Variants in RBFOX1 observed in about 807,000 individuals in gnomAD.
RBFOX1 encodes RNA binding fox-1 homolog 1.
RBFOX1 carries 8 observed loss-of-function variants against 57.7 expected under a neutral mutation model. That is an observed-to-expected ratio of 0.14 (90% CI 0.08 to 0.25). The LOEUF (loss-of-function observed/expected upper bound fraction) is 0.25, where lower values mean the gene tolerates loss of function less well. RBFOX1 is among the 10% of genes least tolerant of loss of function. The pLI is 1.00. For synonymous variants in RBFOX1, 326 were observed against 222.4 expected (o/e 1.47, Z -4.15); for missense variants, 611 against 548.5 (o/e 1.11, Z -1.14).
rs946744485 is a variant in RBFOX1 at position 5,959,125 on chromosome 16, T to A, written c.351+91790T>A. On this transcript the variant is annotated intron_variant, in intron 4 of 19. Transcript: ENST00000641259. The stretch of plus-strand genomic sequence containing the variant: ...GTGCTACCTGTGGTTTTAACTGAAG[T>A]GTAAGGAGGTCAAGGACAGACTGCC... Among the ~76,000 whole-genome samples, 7 of 152,282 alleles carry A rather than the reference T, an allele frequency of 4.6e-5. No homozygotes were observed. The East Asian group carries it at 1.4e-3, about 29-fold the overall frequency.
chr16:6,305,923 A>C (rs1301877484), intron 1 of RBFOX1, among the ~76,000 whole-genome samples: 2 of 152,070 alleles, frequency 1.3e-5, no homozygotes, highest in Non-Finnish European at 2.9e-5. Context: ...GGTAGGTAGG[A>C]AGTTGAGCTT....
rs529311586 is a variant in RBFOX1 at position 7,668,892 on chromosome 16, T to C, written c.930+3924T>C. ...GTTCTTAGATCTACAGAGTCTCTCA[T>C]ACTTGGAAGTGAAGCTATAGATGTT... On this transcript the variant is annotated intron_variant, in intron 13 of 15. Transcript: ENST00000550418. 7.2e-5 allele frequency among the ~76,000 whole-genome samples: 11 copies of C among 152,278 alleles called. No homozygotes were observed. The East Asian group carries it at 2.1e-3, about 29-fold the overall frequency.
intron 12 of RBFOX1, among the ~76,000 whole-genome samples, chr16:7,661,864 C>T (rs938074937): frequency 6.6e-6 from 1 of 152,256 alleles, no homozygotes; most frequent in South Asian, 2.1e-4. Context: ...TTTCCATAGC[C>T]CACAGTGGAG....
At chr16:5,898,725 C>G (rs1337746495) in intron 4 of RBFOX1, among the ~76,000 whole-genome samples, 1 of 151,908 alleles carries the variant, frequency 6.6e-6, no homozygotes, top group Non-Finnish European at 1.5e-5. Flanking sequence ...AACCATTATG[C>G]TCTACTATTT....
chr16:5,798,864 G>A (rs767469730), intron 3 of RBFOX1, among the ~76,000 whole-genome samples: 1 of 152,024 alleles, frequency 6.6e-6, no homozygotes, highest in Non-Finnish European at 1.5e-5. Context: ...GTCAGCTTGG[G>A]TGTAGCTCAG....
At chr16:5,586,298 A>C (rs140376100) in intron 2 of RBFOX1, among the ~76,000 whole-genome samples, 15 of 152,312 alleles carry the variant, frequency 9.8e-5, no homozygotes, top group Non-Finnish European at 1.8e-4. Flanking sequence ...GTTGGTGGCA[A>C]TTGCGTGACG....
At chr16:6,234,893 T>C (rs527612648) in intron 1 of RBFOX1, among the ~76,000 whole-genome samples, 1 of 152,262 alleles carries the variant, frequency 6.6e-6, no homozygotes, top group South Asian at 2.1e-4. Context: ...ATCGGTTTCC[T>C]TGTTTGGATA....
chr16:6,943,734 G>A (rs905582062), intron 3 of RBFOX1, among the ~76,000 whole-genome samples: 23 of 149,474 alleles, frequency 1.5e-4, no homozygotes, highest in South Asian at 4.3e-4. Context: ...AAAAGTATTC[G>A]CCTGTAACAA....
chr16:6,578,194 C>T (rs2097472969), intron 2 of RBFOX1, among the ~76,000 whole-genome samples: 1 of 152,208 alleles, frequency 6.6e-6, no homozygotes, highest in Non-Finnish European at 1.5e-5. Context: ...CATATCATTA[C>T]CTCATATCTT....
At chr16:7,707,604 C>G (rs1275417176) in intron 14 of RBFOX1, among the ~76,000 whole-genome samples, 1 of 152,262 alleles carries the variant, frequency 6.6e-6, no homozygotes, top group Middle Eastern at 3.4e-3. Context: ...TGGTTGCTAA[C>G]AGTACAGCTG....
chr16:6,853,451 G>C (rs896043689), intron 3 of RBFOX1, among the ~76,000 whole-genome samples: 1 of 152,122 alleles, frequency 6.6e-6, no homozygotes, highest in African/African-American at 2.4e-5. Flanking sequence ...GGTTTAAAAG[G>C]CAAATCATCC....
At position 6,831,839 on chromosome 16, in the gene RBFOX1, C is replaced by A. The variant is rs2092729682; in HGVS notation, c.-16+177189C>A. ...CTTGGGGAATTTTTATGATTATCTCCAGCTGTGAATGCTAGGGAGCATCAT... is the reference window on the plus strand; with the variant it reads ...CTTGGGGAATTTTTATGATTATCTCAAGCTGTGAATGCTAGGGAGCATCAT... On this transcript the variant is annotated intron_variant, in intron 3 of 15. Transcript: ENST00000550418. Among the ~76,000 whole-genome samples the A allele has an allele frequency of 3.9e-5, 6 of 152,088 alleles. No individual in the cohort carries two copies. In the South Asian group the frequency reaches 1.2e-3, roughly 32 times the overall value.
intron 14 of RBFOX1, among the ~76,000 whole-genome samples, chr16:7,699,277 GACC>G: frequency 1.2e-5 from 1 of 82,830 alleles, no homozygotes; most frequent in Non-Finnish European, 3.0e-5. Flanking sequence ...TGTAATCCTG[GACC>G]TCCTGGGATC....
At position 7,241,681 on chromosome 16, in the gene RBFOX1, C is replaced by A. The variant is rs551384532; in HGVS notation, c.27+189583C>A. On this transcript the variant is annotated intron_variant, in intron 4 of 15. Transcript: ENST00000550418. ...TCAGTAAGAGTGCATTACAAAAAAT[C>A]TACATCTGGATGACAAATGTGATAC... Among the ~76,000 whole-genome samples the A allele has an allele frequency of 1.2e-4, 18 of 152,146 alleles. 1 individual carries two copies. The South Asian group carries it at 3.3e-3, about 28-fold the overall frequency.
rs532674915 is a variant in RBFOX1 at position 6,679,396 on chromosome 16, G to C, written c.-16+24746G>C. Among the ~76,000 whole-genome samples the C allele has an allele frequency of 6.6e-5, 10 of 152,176 alleles. No individual in the cohort carries two copies. In the South Asian group the frequency reaches 1.0e-3, roughly 16 times the overall value. On this transcript the variant is annotated intron_variant, in intron 3 of 15. Coordinates refer to ENST00000550418, the MANE Select transcript of RBFOX1 (RefSeq NM_018723.4). ...GTCTTGCTATATTGGTGATGGAAAG[G>C]GGAGACTTCTCCATGCTTGCTGCAG...
At chr16:6,087,721 C>G (rs1014352026) in intron 1 of RBFOX1, among the ~76,000 whole-genome samples, 5 of 150,574 alleles carry the variant, frequency 3.3e-5, no homozygotes, top group African/African-American at 1.2e-4. Flanking sequence ...GGCGTGATCT[C>G]GGCTCACTGC....
Position 6,968,397 on chromosome 16 carries a change from C to T in RBFOX1, c.-15-83660C>T, listed in dbSNP as rs764527146. On this transcript the variant is annotated intron_variant, in intron 3 of 15. Transcript: ENST00000550418. ...TCCTCCTTCATCAGGCATTTTAATA[C>T]TGTCTTTTTTTCCTGGTCTCATCTC... is the stretch of plus-strand genomic sequence containing the variant. 5.3e-5 allele frequency among the ~76,000 whole-genome samples: 8 copies of T among 152,134 alleles called. 1 individual carries two copies. Among genetic ancestry groups the T allele is most frequent in the Non-Finnish European group, 7.4e-5 (5 of 68,022 alleles).
chr16:6,862,770 A>C (rs2059239341), intron 3 of RBFOX1, among the ~76,000 whole-genome samples: 1 of 152,136 alleles, frequency 6.6e-6, no homozygotes, highest in African/African-American at 2.4e-5. Flanking sequence ...GGATCACCTG[A>C]GGTCAGGAGT....
At chr16:7,013,355 C>A (rs890760300) in intron 3 of RBFOX1, among the ~76,000 whole-genome samples, 1 of 152,154 alleles carries the variant, frequency 6.6e-6, no homozygotes, top group Admixed American at 6.5e-5. Flanking sequence ...ATAAACCAGT[C>A]CCTCTCACTT....
Sources: allele counts gnomAD v4.1 joint callset (sites outside exome capture counted in the v4.1 genomes callset), GRCh38; gene constraint gnomAD v4.1.1; transcripts MANE v1.5; gene names NCBI Gene and HGNC (gene_info 2026-07-23, HGNC 2026-07-21).